Variants in SUCLA2 observed in about 807,000 individuals in gnomAD.
SUCLA2 encodes succinate--CoA ligase [ADP-forming] subunit beta, mitochondrial.
A neutral mutation model predicts 54.8 loss-of-function variants in SUCLA2; 30 were observed. That is an observed-to-expected ratio of 0.55 (90% CI 0.41 to 0.74). SUCLA2 has a LOEUF of 0.74. SUCLA2 is among the 30% of genes least tolerant of loss of function. The pLI, the probability that SUCLA2 is intolerant of heterozygous loss-of-function variation, is 0.00. For synonymous variants in SUCLA2, 172 were observed against 188.9 expected (o/e 0.91, Z 0.74); for missense variants, 476 against 562.9 (o/e 0.85, Z 1.56).
chr13:47,987,166 A>T (rs1326133), intron 4 of SUCLA2, among the ~76,000 whole-genome samples: 144,223 of 152,268 alleles, frequency 0.95, 68,375 homozygotes, highest in East Asian at 1. Flanking sequence ...ATTCAAGTTC[A>T]TAAGATGAAC....
chr13:47,954,190 T>G lies in SUCLA2; in HGVS notation c.1057A>C (p.Thr353Pro), dbSNP rs1462171146. Reference sequence around the variant, plus strand: ...AATGCTTCTGTTACTTGATGGACTGTAGCACCACCACCAACATCAAGGAAG... The same window carrying G: ...AATGCTTCTGTTACTTGATGGACTGGAGCACCACCACCAACATCAAGGAAG... ...ANFLDVGGGA[T>P]VHQVTEAFKL... The change falls in exon 8 of 11, where the codon ACA becomes CCA. Residue 353 changes from threonine to proline, a missense_variant. Thr to Pro is a conservative substitution (Grantham distance 38). This residue lies in a region of SUCLA2 where 342 missense variants were observed against 444.2 expected (regional missense o/e 0.77). Coordinates refer to ENST00000646932, the MANE Select transcript of SUCLA2 (RefSeq NM_003850.3). 1.9e-6 allele frequency: 3 copies of G among 1,613,744 alleles called. No individual in the cohort carries two copies. The highest frequency in any genetic ancestry group is 2.5e-6 in the Non-Finnish European group (3 of 1,179,852).
At chr13:47,988,787 T>C (rs1950126327) in intron 3 of SUCLA2, 84 bp from the exon 4 acceptor site, 1 of 1,591,392 alleles carries the variant, frequency 6.3e-7, no homozygotes, top group African/African-American at 1.3e-5. Context: ...TTTTATCTCA[T>C]CTAATATTTA....
In SUCLA2 at chr13:47,967,648, G is replaced by A. The variant is rs75005997; in HGVS notation, c.802+947C>T. Among the ~76,000 whole-genome samples, 1,062 of 151,244 alleles carry A rather than the reference G, an allele frequency of 7.0e-3. 71 individuals carry two copies. In the East Asian group the frequency reaches 0.15, roughly 21 times the overall value. On this transcript the variant is annotated intron_variant, in intron 6 of 10. Coordinates refer to ENST00000646932, the MANE Select transcript of SUCLA2 (RefSeq NM_003850.3). ...CTAAGGTCAGGAGGTCAAGACCAGCGTGGCCAACATGGTGAAACCTCATCT... is the reference window on the plus strand; with the variant it reads ...CTAAGGTCAGGAGGTCAAGACCAGCATGGCCAACATGGTGAAACCTCATCT...
intron 6 of SUCLA2, among the ~76,000 whole-genome samples, chr13:47,961,712 ATG>A (rs1949872928): frequency 1.3e-5 from 2 of 152,116 alleles, no homozygotes; most frequent in African/African-American, 4.8e-5. Context: ...TGAAATTCTG[ATG>A]TGTCTTAATA....
At position 47,943,183 on chromosome 13, in the gene SUCLA2, G is replaced by A. The variant is rs1949699482; in HGVS notation, c.*188C>T. On this transcript the variant is annotated 3_prime_UTR_variant, in exon 11 of 11. Coordinates refer to ENST00000646932, the MANE Select transcript of SUCLA2 (RefSeq NM_003850.3). Reference sequence around the variant, plus strand: ...GAAAGAAGATAACTGCATTATACATGCTTCGTACAAACAGTCCATTCTGAA... The same window carrying A: ...GAAAGAAGATAACTGCATTATACATACTTCGTACAAACAGTCCATTCTGAA... 1.6e-6 allele frequency: 1 copy of A among 640,238 alleles called. No individual in the cohort carries two copies. Among genetic ancestry groups the A allele is most frequent in the African/African-American group, 1.8e-5 (1 of 55,080 alleles). 39.7% of individuals were successfully genotyped at this position (640,238 alleles called of 1,614,324 possible). A position where few individuals can be genotyped will look rare whatever the true frequency, so the allele number is the denominator to read the frequency against.
At chr13:47,984,072 A>T (rs1950080114) in intron 4 of SUCLA2, among the ~76,000 whole-genome samples, 1 of 152,226 alleles carries the variant, frequency 6.6e-6, no homozygotes, top group Non-Finnish European at 1.5e-5. Context: ...CTGTAGAATG[A>T]ATAGCTATTT....
chr13:47,953,718 G>T (rs1216853219), intron 8 of SUCLA2, among the ~76,000 whole-genome samples: 1 of 152,008 alleles, frequency 6.6e-6, no homozygotes. Context: ...AGAATTCTCG[G>T]TTTAAATCCA....
At chr13:47,955,584 GAGA>G (rs201977322) in intron 6 of SUCLA2, among the ~76,000 whole-genome samples, 2,252 of 152,202 alleles carry the variant, frequency 0.015, 65 homozygotes, top group African/African-American at 0.052. Flanking sequence ...GGAAAAGAAA[GAGA>G]AGAAGAAGAA....
intron 8 of SUCLA2, among the ~76,000 whole-genome samples, chr13:47,951,304 G>C (rs1322814979): frequency 6.7e-6 from 1 of 149,174 alleles, no homozygotes. Flanking sequence ...AAAGCCTCTA[G>C]TCCGCCACCC....
At position 47,996,837 on chromosome 13, in the gene SUCLA2, T is replaced by A; in HGVS notation, c.271+6A>T. The A allele has an allele frequency of 7.4e-6, 12 of 1,612,740 alleles. No homozygotes were observed. Among genetic ancestry groups the A allele is most frequent in the Non-Finnish European group, 1.0e-5 (12 of 1,179,808 alleles). The stretch of plus-strand genomic sequence containing the variant: ...AAGGTGGCAAAAGCTTTTCTTAATT[T>A]AGTACCTAATTTTTTGGCAATTGCA... On this transcript the variant is annotated splice_donor_region_variant and intron_variant, in intron 2 of 10. Coordinates refer to ENST00000646932, the MANE Select transcript of SUCLA2 (RefSeq NM_003850.3).
intron 2 of SUCLA2, chr13:47,994,871 G>A: frequency 1.0e-6 from 1 of 984,988 alleles, no homozygotes; most frequent in Non-Finnish European, 1.2e-6. Context: ...AGTTTATCCT[G>A]CACATATTAT....
At chr13:47,973,477 A>C in intron 4 of SUCLA2, 85 bp from the exon 5 acceptor site, 1 of 1,469,644 alleles carries the variant, frequency 6.8e-7, no homozygotes, top group Non-Finnish European at 9.4e-7. Context: ...GCATAATATC[A>C]GATGTAAGCA....
At chr13:47,990,700 A>G (rs1251478678) in intron 2 of SUCLA2, among the ~76,000 whole-genome samples, 1 of 152,118 alleles carries the variant, frequency 6.6e-6, no homozygotes, top group Non-Finnish European at 1.5e-5. Context: ...ATTTGAACAG[A>G]CTGAAGTAGA....
At chr13:47,969,335 ACAGT>A (rs2137716534) in intron 5 of SUCLA2, among the ~76,000 whole-genome samples, 1 of 152,386 alleles carries the variant, frequency 6.6e-6, no homozygotes, top group African/African-American at 2.4e-5. Context: ...TACATGTCAT[ACAGT>A]CAAATGAGTG....
At chr13:47,988,291 A>G (rs1232569554) in intron 4 of SUCLA2, 3 of 538,418 alleles carry the variant, frequency 5.6e-6, no homozygotes, top group Non-Finnish European at 3.2e-6. Context: ...TGAATTAACA[A>G]TTTGAGAATC....
intron 10 of SUCLA2, among the ~76,000 whole-genome samples, chr13:47,946,593 T>TAA (rs1422136396): frequency 0.089 from 13,322 of 149,772 alleles, 700 homozygotes; most frequent in Middle Eastern, 0.16. Context: ...TTTTTTTTTT[T>TAA]AAAAAAAGCA....
chr13:47,943,766 G>GTGTGTGTATATATATATATATA (rs1300486540), intron 10 of SUCLA2, among the ~76,000 whole-genome samples: 116 of 139,644 alleles, frequency 8.3e-4, no homozygotes, highest in African/African-American at 2.9e-3. Flanking sequence ...GTGTGTGTGT[G>GTGTGTGTATATATATATATATA]TATATATATA....
At chr13:47,985,699 C>G (rs1336959821) in intron 4 of SUCLA2, among the ~76,000 whole-genome samples, 1 of 152,144 alleles carries the variant, frequency 6.6e-6, no homozygotes, top group Non-Finnish European at 1.5e-5. Context: ...AGTGAACATA[C>G]CGATGCATGT....
chr13:47,982,424 G>A (rs146665681), intron 4 of SUCLA2, among the ~76,000 whole-genome samples: 159 of 152,208 alleles, frequency 1.0e-3, no homozygotes, highest in African/African-American at 3.7e-3. Context: ...CTGGAGGGAA[G>A]TGGGAGAGGG....
Sources: allele counts gnomAD v4.1 joint callset (sites outside exome capture counted in the v4.1 genomes callset), GRCh38; gene constraint gnomAD v4.1.1; regional missense constraint gnomAD v4.1.1; transcripts MANE v1.5; gene names NCBI Gene and HGNC (gene_info 2026-07-23, HGNC 2026-07-21).